Variants in NRXN3 observed in about 807,000 individuals in gnomAD.
NRXN3 encodes the protein neurexin 3.
A neutral mutation model predicts 137.6 loss-of-function variants in NRXN3; 32 were observed. The observed-to-expected ratio is 0.23, with a 90% CI of 0.18 to 0.31. NRXN3 has a LOEUF of 0.31. NRXN3 is among the 10% of genes least tolerant of loss of function. The pLI is 1.00. For synonymous variants in NRXN3, 798 were observed against 784.5 expected (o/e 1.02, Z -0.29); for missense variants, 1,574 against 2,062.5 (o/e 0.76, Z 4.59).
intron 3 of NRXN3, among the ~76,000 whole-genome samples, 197 bp downstream of exon 3, chr14:78,278,859 A>G (rs1227020052): frequency 1.3e-5 from 2 of 152,234 alleles, no homozygotes; most frequent in Admixed American, 1.3e-4. Context: ...AGCCAAAGGA[A>G]TATGGTTCTC....
At chr14:78,532,150 CAAA>C (rs386381910) in intron 4 of NRXN3, among the ~76,000 whole-genome samples, 2,029 of 121,310 alleles carry the variant, frequency 0.017, 54 homozygotes, top group African/African-American at 0.054. Context: ...ACTAAAAATA[CAAA>C]AAAAAAAAAA....
chr14:78,495,138 CGTGTGT>C (rs3036593), intron 4 of NRXN3, among the ~76,000 whole-genome samples: 43 of 140,302 alleles, frequency 3.1e-4, no homozygotes, highest in African/African-American at 3.8e-4. Flanking sequence ...TGTGTGCGTG[CGTGTGT>C]GTGTGTGTGT....
At chr14:78,486,579 T>A (rs1281801659) in intron 4 of NRXN3, among the ~76,000 whole-genome samples, 1 of 152,108 alleles carries the variant, frequency 6.6e-6, no homozygotes, top group African/African-American at 2.4e-5. Flanking sequence ...CACCCTGGGA[T>A]GGTGGAAGAG....
intron 15 of NRXN3, among the ~76,000 whole-genome samples, chr14:79,186,815 C>T (rs1311422749): frequency 6.6e-6 from 1 of 152,106 alleles, no homozygotes; most frequent in Non-Finnish European, 1.5e-5. Flanking sequence ...TGTATTCAAG[C>T]AGGCAAAGAT....
intron 2 of NRXN3, among the ~76,000 whole-genome samples, chr14:78,260,990 C>T (rs2070610243): frequency 6.6e-6 from 1 of 152,192 alleles, no homozygotes; most frequent in Non-Finnish European, 1.5e-5. Context: ...CTTTCATTCT[C>T]CCAATCGCTT....
chr14:78,204,254 CA>C (rs1365965037), intron 1 of NRXN3, among the ~76,000 whole-genome samples: 4 of 143,184 alleles, frequency 2.8e-5, no homozygotes, highest in African/African-American at 7.6e-5. Context: ...AAAAAAGTGA[CA>C]TTTTTTTTTT....
At chr14:79,807,996 C>T (rs1328112924) in intron 20 of NRXN3, among the ~76,000 whole-genome samples, 2 of 151,958 alleles carry the variant, frequency 1.3e-5, no homozygotes, top group Non-Finnish European at 2.9e-5. Context: ...CTATCAAGCC[C>T]TCTTTTTCAT....
At chr14:78,560,357 A>C (rs930530063) in intron 4 of NRXN3, among the ~76,000 whole-genome samples, 1 of 152,186 alleles carries the variant, frequency 6.6e-6, no homozygotes, top group South Asian at 2.1e-4. Context: ...GGGATTGGGA[A>C]GGGAAATTTC....
chr14:79,140,489 T>C (rs2058682753), intron 15 of NRXN3, among the ~76,000 whole-genome samples: 1 of 152,018 alleles, frequency 6.6e-6, no homozygotes, highest in Non-Finnish European at 1.5e-5. Flanking sequence ...TTCACCCCCA[T>C]TATACCTCCT....
At chr14:78,535,423 G>A (rs2096525936) in intron 4 of NRXN3, among the ~76,000 whole-genome samples, 1 of 152,186 alleles carries the variant, frequency 6.6e-6, no homozygotes, top group Non-Finnish European at 1.5e-5. Flanking sequence ...TAAAAGGATA[G>A]AACTTTGGTG....
At position 79,569,602 on chromosome 14, in the gene NRXN3, C is replaced by CGTGTGTGT. The variant is rs3061386; in HGVS notation, c.3445-94154_3445-94147dup. ...AATTAATGGGCTTTTGAATGAGCAA[C>CGTGTGTGT]GTGTGTGTGTGTGTGTGTGTGTGTG... On this transcript the variant is annotated intron_variant, in intron 16 of 20. Coordinates refer to ENST00000335750, the MANE Select transcript of NRXN3 (RefSeq NM_001330195.2). Among the ~76,000 whole-genome samples the CGTGTGTGT allele has an allele frequency of 1.1e-4, 16 of 145,608 alleles. 1 individual carries two copies. The highest frequency in any genetic ancestry group is 6.9e-4 in the South Asian group (3 of 4,346).
intron 1 of NRXN3, among the ~76,000 whole-genome samples, chr14:78,176,470 C>G (rs1258736248): frequency 6.7e-6 from 1 of 150,214 alleles, no homozygotes; most frequent in East Asian, 2.0e-4. Flanking sequence ...GAGACTGAGA[C>G]TTAAAGTTAC....
rs190918851 is a variant in NRXN3, at chr14:79,645,171, C to T, written c.3445-18607C>T. Among the ~76,000 whole-genome samples the T allele has an allele frequency of 2.3e-4, 31 of 134,172 alleles. 2 individuals carry two copies. The East Asian group carries it at 4.3e-3, about 19-fold the overall frequency. The allele number at this position is 134,172 out of a possible 152,430, so 88.0% of individuals were successfully genotyped here. A position where few individuals can be genotyped will look rare whatever the true frequency, so the allele number is the denominator to read the frequency against. The stretch of plus-strand genomic sequence containing the variant: ...CTTTCTTATTCCATATTTTTTTTGT[C>T]CTTAAATATATTGTTTCCTGGAGGT... On this transcript the variant is annotated intron_variant, in intron 16 of 20. Coordinates refer to ENST00000335750, the MANE Select transcript of NRXN3 (RefSeq NM_001330195.2).
At chr14:78,565,086 T>C (rs1456551054) in intron 4 of NRXN3, among the ~76,000 whole-genome samples, 1 of 152,230 alleles carries the variant, frequency 6.6e-6, no homozygotes, top group African/African-American at 2.4e-5. Flanking sequence ...GGGATAACTG[T>C]GCCCTGTGTG....
intron 3 of NRXN3, among the ~76,000 whole-genome samples, chr14:78,292,456 A>C (rs1278419411): frequency 3.3e-5 from 5 of 152,180 alleles, no homozygotes; most frequent in African/African-American, 9.6e-5. Flanking sequence ...CAGGTACAAG[A>C]AGGGTGGAAT....
At chr14:78,764,020 G>A (rs985539573) in intron 8 of NRXN3, among the ~76,000 whole-genome samples, 6 of 152,174 alleles carry the variant, frequency 3.9e-5, no homozygotes, top group Non-Finnish European at 5.9e-5. Flanking sequence ...TTCCTTGGGA[G>A]AACTGGCTTT....
At chr14:79,162,855 A>C (rs915978544) in intron 15 of NRXN3, among the ~76,000 whole-genome samples, 22 of 151,570 alleles carry the variant, frequency 1.5e-4, no homozygotes, top group African/African-American at 5.3e-4. Context: ...TCCCCTTTCC[A>C]TCACTATTTT....
chr14:78,328,361 G>A (rs1193222151), intron 4 of NRXN3, among the ~76,000 whole-genome samples: 2 of 152,170 alleles, frequency 1.3e-5, no homozygotes, highest in East Asian at 3.9e-4. Flanking sequence ...GTAACTAATA[G>A]GAGATTTGAT....
chr14:78,192,097 T>TGC (rs2060799868), intron 1 of NRXN3, among the ~76,000 whole-genome samples: 2 of 144,146 alleles, frequency 1.4e-5, no homozygotes, highest in Admixed American at 6.8e-5. Context: ...TGTGTGTGTG[T>TGC]GTGTGTGTGT....
Sources: gnomAD v4.1 joint callset for allele counts (sites outside exome capture counted in the v4.1 genomes callset) on GRCh38, gnomAD v4.1.1 for gene constraint, MANE v1.5 for transcripts, NCBI Gene and HGNC (gene_info 2026-07-23, HGNC 2026-07-21) for gene names.